The following AFP variants were observed in gnomAD, a reference collection of about 807,000 sequenced individuals.
The protein encoded by AFP is alpha-fetoprotein.
AFP carries 64 observed loss-of-function variants against 78.9 expected under a neutral mutation model. The ratio of observed to expected loss-of-function variants is 0.81; its 90% CI spans 0.66 to 1.00. The LOEUF (loss-of-function observed/expected upper bound fraction) is 1.00, where lower values mean the gene tolerates loss of function less well. AFP is among the 50% of genes least tolerant of loss of function. AFP has a pLI of 0.00. For synonymous variants in AFP, 254 were observed against 243.8 expected, an observed-to-expected ratio of 1.04 and a Z score of -0.39; for missense variants, 689 against 703.8, an observed-to-expected ratio of 0.98 and a Z score of 0.24.
In AFP at chr4:73,436,326, C is replaced by T; in HGVS notation, c.64C>T (p.His22Tyr). Residue 22 changes from histidine (H) to tyrosine (Y), a missense_variant, in exon 1 of 15, where the codon CAT becomes TAT. His to Tyr is a moderately conservative substitution (Grantham distance 83, BLOSUM62 2). Transcript: ENST00000395792. ...LLNFTESRTL[H>Y]RNEYGIASIL... ...AAATTTTACTGAATCCAGAACACTGCATAGAAATGAATATGGAATAGGTGA... is the reference window on the plus strand; with the variant it reads ...AAATTTTACTGAATCCAGAACACTGTATAGAAATGAATATGGAATAGGTGA... 1 of 1,590,870 alleles carries T rather than the reference C, an allele frequency of 6.3e-7. No homozygotes were observed. The highest frequency in any genetic ancestry group is 8.6e-7 in the Non-Finnish European group (1 of 1,163,544).
chr4:73,455,933 T>C lies in AFP; in HGVS notation c.*313T>C. On this transcript the variant is annotated 3_prime_UTR_variant, in exon 15 of 15. Transcript: ENST00000395792. ...GGATGGATTTACAGCACTAGATCAC[T>C]TGGTGAACTGAAAAATGTTCCCAAG... The C allele has an allele frequency of 2.7e-6, 1 of 366,826 alleles. No individual in the cohort carries two copies. The highest frequency in any genetic ancestry group is 4.7e-5 in the Admixed American group (1 of 21,504). The allele number at this position is 366,826 out of a possible 1,614,324, so 22.7% of individuals were successfully genotyped here.
chr4:73,450,357 G>A (rs1719954839), intron 10 of AFP, among the ~76,000 whole-genome samples: 1 of 152,152 alleles, frequency 6.6e-6, no homozygotes, highest in African/African-American at 2.4e-5. Flanking sequence ...AATCAATGAA[G>A]CTCCGAGGTT....
intron 7 of AFP, among the ~76,000 whole-genome samples, chr4:73,446,491 T>C (rs555554697): frequency 1.3e-5 from 2 of 152,310 alleles, no homozygotes; most frequent in South Asian, 4.2e-4. Flanking sequence ...CAGGTATATA[T>C]GTAAGCTCTG....
At chr4:73,451,858 T>C (rs1299297006) in intron 11 of AFP, among the ~76,000 whole-genome samples, 1 of 152,178 alleles carries the variant, frequency 6.6e-6, no homozygotes, top group African/African-American at 2.4e-5. Context: ...TTAAGAAATA[T>C]CTCCTAAGTA....
At chr4:73,454,234 G>A (rs931611495) in intron 13 of AFP, among the ~76,000 whole-genome samples, 7 of 151,920 alleles carry the variant, frequency 4.6e-5, no homozygotes, top group Non-Finnish European at 8.8e-5. Flanking sequence ...TGGATTAAAG[G>A]ATTTAATAGC....
chr4:73,437,734 T>A (rs1048962096), intron 2 of AFP, among the ~76,000 whole-genome samples: 2 of 152,094 alleles, frequency 1.3e-5, no homozygotes, highest in African/African-American at 4.8e-5. Context: ...TAAGGATTGC[T>A]TTGAGTCAAT....
At chr4:73,449,938 A>C (rs1366885072) in intron 9 of AFP, 98 bp from the exon 10 acceptor site, 3 of 761,658 alleles carry the variant, frequency 3.9e-6, no homozygotes. Flanking sequence ...AACATCTCTG[A>C]TTGGTTTTAT....
intron 3 of AFP, among the ~76,000 whole-genome samples, chr4:73,439,242 A>G (rs2149333071): frequency 6.6e-6 from 1 of 152,334 alleles, no homozygotes; most frequent in East Asian, 1.9e-4. Context: ...CTCTCCAATT[A>G]TAAAACAACA....
At chr4:73,439,346 T>C (rs941922794) in intron 3 of AFP, among the ~76,000 whole-genome samples, 7 of 152,116 alleles carry the variant, frequency 4.6e-5, no homozygotes, top group Non-Finnish European at 8.8e-5. Context: ...TTTAAGGATA[T>C]AGTTTAAGTT....
intron 13 of AFP, among the ~76,000 whole-genome samples, chr4:73,454,748 G>A (rs952233903): frequency 1.3e-5 from 2 of 152,132 alleles, no homozygotes; most frequent in African/African-American, 4.8e-5. Flanking sequence ...TTGAGTGTGT[G>A]CACTTACCAG....
At chr4:73,438,097 A>T in intron 2 of AFP, 77 bp from the exon 3 acceptor site, 1 of 1,576,338 alleles carries the variant, frequency 6.3e-7, no homozygotes, top group Non-Finnish European at 8.6e-7. Flanking sequence ...AAAACAAACA[A>T]ATGAAAAACT....
intron 3 of AFP, among the ~76,000 whole-genome samples, chr4:73,439,166 G>C (rs989749921): frequency 6.6e-6 from 1 of 152,042 alleles, no homozygotes; most frequent in Non-Finnish European, 1.5e-5. Context: ...CATTGTAGAA[G>C]CTCAACAAAT....
chr4:73,438,036 C>G (rs1719558251), intron 2 of AFP, 138 bp from the exon 3 acceptor site: 1 of 1,263,572 alleles, frequency 7.9e-7, no homozygotes, highest in East Asian at 2.4e-5. Context: ...GCTAATTTTA[C>G]ATAATTTTAC....
chr4:73,455,319 A>G (rs1252726411), intron 14 of AFP, 29 bp downstream of exon 14: 2 of 1,536,788 alleles, frequency 1.3e-6, no homozygotes, highest in Admixed American at 1.7e-5. Context: ...AAGCCTGAAT[A>G]CAATGTTGTT....
chr4:73,437,293 G>A lies in AFP; in HGVS notation c.137+82G>A, dbSNP rs953872385. ...CTTAAATAAAATTGGGTACCCCTGTGAGCTCTTAAAAGCACAAAAGCAATT... is the reference window on the plus strand; with the variant it reads ...CTTAAATAAAATTGGGTACCCCTGTAAGCTCTTAAAAGCACAAAAGCAATT... On this transcript the variant is annotated intron_variant, in intron 2 of 14. Transcript: ENST00000395792. 12 of 1,171,492 alleles carry A rather than the reference G, an allele frequency of 1.0e-5. No homozygotes were observed. The African/African-American group carries it at 1.7e-4, about 16-fold the overall frequency. 72.6% of individuals were successfully genotyped at this position (1,171,492 alleles called of 1,614,324 possible). A position where few individuals can be genotyped will look rare whatever the true frequency, so the allele number is the denominator to read the frequency against.
chr4:73,453,630 G>A (rs1720073944), intron 12 of AFP, 135 bp from the exon 13 acceptor site: 1 of 949,718 alleles, frequency 1.1e-6, no homozygotes, highest in East Asian at 2.7e-5. Flanking sequence ...TACTAGACAA[G>A]GTGTGTGTGG....
chr4:73,437,201 T>G lies in AFP; in HGVS notation c.127T>G (p.Leu43Val). 1 of 1,609,938 alleles carries G rather than the reference T, an allele frequency of 6.2e-7. No individual in the cohort carries two copies. Among genetic ancestry groups the G allele is most frequent in the Non-Finnish European group, 8.5e-7 (1 of 1,176,720 alleles). Residue 43 changes from leucine to valine, a missense_variant, in exon 2 of 15, where the codon TTA becomes GTA. Leu to Val is a conservative substitution (Grantham distance 32). Coordinates refer to ENST00000395792, the MANE Select transcript of AFP (RefSeq NM_001134.3). ...DSYQCTAEIS[L>V]ADLATIFFAQ... ...TTACCAATGTACTGCAGAGATAAGT[T>G]TAGCTGACCTGTAAGTTTTGCTTAT...
chr4:73,445,768 G>A (rs1719802972), intron 7 of AFP, among the ~76,000 whole-genome samples: 1 of 152,220 alleles, frequency 6.6e-6, no homozygotes, highest in Non-Finnish European at 1.5e-5. Flanking sequence ...TGGTCTCGGA[G>A]AATTAGAAAA....
intron 1 of AFP, 61 bp from the exon 2 acceptor site, chr4:73,437,099 A>C: frequency 1.6e-6 from 2 of 1,247,292 alleles, no homozygotes; most frequent in Non-Finnish European, 2.4e-6. Flanking sequence ...CATATGTAAC[A>C]ATGATTACTT....
Sources: gnomAD v4.1 joint callset for allele counts (sites outside exome capture counted in the v4.1 genomes callset) on GRCh38, gnomAD v4.1.1 for gene constraint, MANE v1.5 for transcripts, NCBI Gene and HGNC (gene_info 2026-07-23, HGNC 2026-07-21) for gene names.